CADM2: variants seen among roughly 807,000 people sequenced by gnomAD.
CADM2 encodes cell adhesion molecule 2, also known as immunoglobulin superfamily member 4D.
A neutral mutation model predicts 49.8 loss-of-function variants in CADM2; 12 were observed. The ratio of observed to expected loss-of-function variants is 0.24; its 90% CI spans 0.15 to 0.39. The LOEUF is 0.39. CADM2 is among the 10% of genes least tolerant of loss of function. The pLI, the probability that CADM2 is intolerant of heterozygous loss-of-function variation, is 1.00. For synonymous variants in CADM2, 214 were observed against 175.4 expected (o/e 1.22, Z -1.74); for missense variants, 378 against 492.3 (o/e 0.77, Z 2.20).
At chr3:85,779,973 A>T (rs2070552441) in intron 2 of CADM2, among the ~76,000 whole-genome samples, 1 of 152,174 alleles carries the variant, frequency 6.6e-6, no homozygotes, top group Non-Finnish European at 1.5e-5. Context: ...ACTAAGTAAC[A>T]TCTAGTGGTC....
Position 85,273,686 on chromosome 3 carries a change from T to A in CADM2, c.61+314018T>A, listed in dbSNP as rs140252468. Among the ~76,000 whole-genome samples, 419 of 150,552 alleles carry A rather than the reference T, an allele frequency of 2.8e-3. 2 individuals are homozygous for A. Among genetic ancestry groups the A allele is most frequent in the African/African-American group, 9.9e-3 (402 of 40,558 alleles). On this transcript the variant is annotated intron_variant, in intron 1 of 9. Coordinates refer to ENST00000383699, the MANE Select transcript of CADM2 (RefSeq NM_001167675.2). ...ATTGTTTGGGAAAGAAGATTAGAAT[T>A]TTGGTTTTAGACATATTAAGTTTGA...
At chr3:85,386,081 C>T (rs982066766) in intron 1 of CADM2, among the ~76,000 whole-genome samples, 2 of 152,214 alleles carry the variant, frequency 1.3e-5, no homozygotes, top group Non-Finnish European at 2.9e-5. Context: ...CGGCTTTCCC[C>T]TAACTACATA....
chr3:85,500,317 CTAGT>C (rs1202405048), intron 1 of CADM2, among the ~76,000 whole-genome samples: 2 of 152,084 alleles, frequency 1.3e-5, no homozygotes, highest in South Asian at 2.1e-4. Context: ...TAAAAATGCT[CTAGT>C]TAATCAGTTT....
chr3:85,755,376 A>G (rs73845639), intron 2 of CADM2, among the ~76,000 whole-genome samples: 6,676 of 152,170 alleles, frequency 0.044, 492 homozygotes, highest in African/African-American at 0.15. Flanking sequence ...GGTATGTGGG[A>G]GTGGGTGGGT....
chr3:85,870,649 A>G (rs552750267), intron 3 of CADM2, among the ~76,000 whole-genome samples: 1 of 152,144 alleles, frequency 6.6e-6, no homozygotes, highest in Non-Finnish European at 1.5e-5. Flanking sequence ...CATTCTACCA[A>G]TGATGGACAT....
At chr3:85,504,714 C>T (rs1327829015) in intron 1 of CADM2, among the ~76,000 whole-genome samples, 2 of 152,196 alleles carry the variant, frequency 1.3e-5, no homozygotes, top group East Asian at 1.9e-4. Context: ...GACTGGGCTC[C>T]GTGGAGCAGG....
At chr3:85,354,377 T>TA (rs1433577989) in intron 1 of CADM2, among the ~76,000 whole-genome samples, 1 of 141,082 alleles carries the variant, frequency 7.1e-6, no homozygotes, top group African/African-American at 2.6e-5. Flanking sequence ...GGGGGAGGGA[T>TA]AGCATTAAGA....
chr3:85,768,229 C>T (rs553350957), intron 2 of CADM2, among the ~76,000 whole-genome samples: 94 of 151,978 alleles, frequency 6.2e-4, no homozygotes, highest in African/African-American at 2.3e-3. Flanking sequence ...GGCGTTTTGC[C>T]TGAGCTCAGG....
chr3:85,251,998 T>C (rs1326957678), intron 1 of CADM2, among the ~76,000 whole-genome samples: 2 of 151,966 alleles, frequency 1.3e-5, no homozygotes, highest in African/African-American at 4.8e-5. Flanking sequence ...AAGCCTGGAA[T>C]TTGCCATGTT....
chr3:85,812,636 G>T (rs867238068), intron 3 of CADM2, among the ~76,000 whole-genome samples: 2 of 152,038 alleles, frequency 1.3e-5, no homozygotes, highest in Middle Eastern at 3.2e-3. Flanking sequence ...TGCCATGGTG[G>T]TTTGCTGCAC....
intron 1 of CADM2, among the ~76,000 whole-genome samples, chr3:85,096,891 A>G (rs1267190881): frequency 6.6e-6 from 1 of 152,136 alleles, no homozygotes; most frequent in Non-Finnish European, 1.5e-5. Context: ...TGGACTGTCA[A>G]GTTATTTTTT....
At chr3:85,124,714 G>A (rs935341971) in intron 1 of CADM2, among the ~76,000 whole-genome samples, 1 of 152,116 alleles carries the variant, frequency 6.6e-6, no homozygotes, top group Non-Finnish European at 1.5e-5. Context: ...TTATAGCTTA[G>A]CCTACCTAAA....
At chr3:85,631,576 A>C (rs940892524) in intron 1 of CADM2, among the ~76,000 whole-genome samples, 6 of 152,124 alleles carry the variant, frequency 3.9e-5, no homozygotes, top group Non-Finnish European at 7.4e-5. Context: ...AGAAATCAGA[A>C]GAAAAGGAGA....
At chr3:85,351,663 A>T (rs2107239452) in intron 1 of CADM2, among the ~76,000 whole-genome samples, 1 of 152,294 alleles carries the variant, frequency 6.6e-6, no homozygotes, top group Non-Finnish European at 1.5e-5. Context: ...GGAATTGCTC[A>T]GCTGCCTGCA....
Position 85,411,656 on chromosome 3 carries a change from C to A in CADM2, c.62-314866C>A, listed in dbSNP as rs141530375. Among the ~76,000 whole-genome samples, 7 of 152,192 alleles carry A rather than the reference C, an allele frequency of 4.6e-5. No homozygotes were observed. In the East Asian group the frequency reaches 1.4e-3, roughly 29 times the overall value. Reference sequence around the variant, plus strand: ...CTGGTTTTCTGAAGGGTAGAGGAGGCTCTAATTTGTTGGATTACCCAGTTT... The same window carrying A: ...CTGGTTTTCTGAAGGGTAGAGGAGGATCTAATTTGTTGGATTACCCAGTTT... On this transcript the variant is annotated intron_variant, in intron 1 of 9. Transcript: ENST00000383699.
intron 1 of CADM2, among the ~76,000 whole-genome samples, chr3:85,486,238 A>C (rs530654391): frequency 7.9e-5 from 12 of 152,282 alleles, no homozygotes; most frequent in African/African-American, 2.9e-4. Flanking sequence ...AAGAAATACC[A>C]TTTTAATTTT....
intron 2 of CADM2, among the ~76,000 whole-genome samples, chr3:85,789,369 A>G (rs2108024394): frequency 6.6e-6 from 1 of 152,336 alleles, no homozygotes; most frequent in South Asian, 2.1e-4. Flanking sequence ...ATTCAACCTG[A>G]AAATAATATT....
At chr3:85,791,542 GAA>G (rs1491122319) in intron 2 of CADM2, among the ~76,000 whole-genome samples, 1,725 of 135,420 alleles carry the variant, frequency 0.013, 58 homozygotes, top group East Asian at 0.094. Flanking sequence ...GAGAGAGAGA[GAA>G]AGAGAGAGAG....
At chr3:85,426,186 G>T (rs9827521) in intron 1 of CADM2, among the ~76,000 whole-genome samples, 154 of 151,316 alleles carry the variant, frequency 1.0e-3, no homozygotes, top group African/African-American at 3.6e-3. Flanking sequence ...CTTTCACTGG[G>T]GCTTGAGAGT....
Sources: allele counts gnomAD v4.1 joint callset (sites outside exome capture counted in the v4.1 genomes callset), GRCh38; gene constraint gnomAD v4.1.1; transcripts MANE v1.5; gene names NCBI Gene and HGNC (gene_info 2026-07-23, HGNC 2026-07-21).